The following SLC35F2 variants were observed in gnomAD, a reference collection of about 807,000 sequenced individuals.
SLC35F2 encodes the protein queuine/queuosine transporter SLC35F2.
A neutral mutation model predicts 38.1 loss-of-function variants in SLC35F2; 25 were observed. The observed-to-expected ratio is 0.66, with a 90% CI of 0.48 to 0.92. The LOEUF (loss-of-function observed/expected upper bound fraction) is 0.92. Among genes scored for constraint, SLC35F2 ranks in the 40% least tolerant of loss-of-function variants. The pLI, the probability that SLC35F2 is intolerant of heterozygous loss-of-function variation, is 0.00. For synonymous variants in SLC35F2, 173 were observed against 181.7 expected, an observed-to-expected ratio of 0.95 and a Z score of 0.38; for missense variants, 409 against 452.9, an observed-to-expected ratio of 0.90 and a Z score of 0.88.
chr11:107,847,097 C>A (rs1177958373), intron 1 of SLC35F2, among the ~76,000 whole-genome samples: 2 of 152,152 alleles, frequency 1.3e-5, no homozygotes, highest in Admixed American at 1.3e-4. Flanking sequence ...GTCGCCCAGG[C>A]TAGAGTGCAG....
chr11:107,833,882 A>T (rs575321937), intron 1 of SLC35F2, among the ~76,000 whole-genome samples: 1 of 152,226 alleles, frequency 6.6e-6, no homozygotes, highest in Non-Finnish European at 1.5e-5. Context: ...AGAATCAAAG[A>T]AACAAATGGT....
At chr11:107,834,507 G>A (rs534821670) in intron 1 of SLC35F2, among the ~76,000 whole-genome samples, 7 of 152,148 alleles carry the variant, frequency 4.6e-5, no homozygotes, top group East Asian at 1.9e-4. Flanking sequence ...AAAATTAGCC[G>A]GGTGTGGTGG....
chr11:107,833,538 G>GGA (rs1448677517), intron 1 of SLC35F2, among the ~76,000 whole-genome samples: 1 of 122,760 alleles, frequency 8.1e-6, no homozygotes, highest in Non-Finnish European at 1.7e-5. Context: ...AAAAAAAAAA[G>GGA]GAGAGAGGTG....
At chr11:107,815,396 A>T (rs1332186495) in intron 2 of SLC35F2, among the ~76,000 whole-genome samples, 2 of 150,794 alleles carry the variant, frequency 1.3e-5, no homozygotes, top group Admixed American at 6.6e-5. Flanking sequence ...AAATAAAAAA[A>T]AAAAAAAAAA....
At chr11:107,843,865 AAAAATATATATATATATATATATATAT>A (rs1447256746) in intron 1 of SLC35F2, among the ~76,000 whole-genome samples, 2 of 35,354 alleles carry the variant, frequency 5.7e-5, no homozygotes, top group African/African-American at 2.4e-4. Flanking sequence ...AAAAAAAAAA[AAAAATATATATATATATATATATATAT>A]ATATATATAT....
At chr11:107,858,598 C>A in intron 1 of SLC35F2, 60 bp downstream of exon 1, 2 of 1,234,976 alleles carry the variant, frequency 1.6e-6, no homozygotes, top group Non-Finnish European at 2.1e-6. Context: ...TCCACGTGCG[C>A]GCAGGGCCCG....
chr11:107,798,953 G>C (rs948388633), intron 7 of SLC35F2, among the ~76,000 whole-genome samples: 1 of 152,142 alleles, frequency 6.6e-6, no homozygotes, highest in African/African-American at 2.4e-5. Context: ...GCAGGTGCCT[G>C]TAATCCCAGC....
At chr11:107,799,590 C>CT (rs11421354) in intron 7 of SLC35F2, among the ~76,000 whole-genome samples, 22,730 of 151,874 alleles carry the variant, frequency 0.15, 2,740 homozygotes, top group East Asian at 0.42. Context: ...ATTTATTTTA[C>CT]TTTTTTTGTT....
chr11:107,792,809 G>A lies in SLC35F2; in HGVS notation c.940-9C>T. On this transcript the variant is annotated splice_polypyrimidine_tract_variant and intron_variant, in intron 7 of 7. Coordinates refer to ENST00000525815, the MANE Select transcript of SLC35F2 (RefSeq NM_017515.5). ...ATGTAGAGTCCTGAAAACTAGAAGG[G>A]AAGAACAGGCAGTGAATTGTGCCCC... 6.4e-7 allele frequency: 1 copy of A among 1,551,442 alleles called. No homozygotes were observed. The highest frequency in any genetic ancestry group is 8.7e-7 in the Non-Finnish European group (1 of 1,145,086).
At chr11:107,849,805 G>A (rs558335190) in intron 1 of SLC35F2, among the ~76,000 whole-genome samples, 42 of 152,248 alleles carry the variant, frequency 2.8e-4, no homozygotes, top group African/African-American at 7.2e-4. Flanking sequence ...GTCTAGAACT[G>A]GTCTAGGGGA....
intron 1 of SLC35F2, among the ~76,000 whole-genome samples, chr11:107,828,218 C>T (rs1250788724): frequency 6.6e-6 from 1 of 152,010 alleles, no homozygotes; most frequent in Admixed American, 6.6e-5. Flanking sequence ...AGGTGGATCA[C>T]GAGGTCAGAA....
chr11:107,793,556 GC>G (rs1859167318), intron 7 of SLC35F2, among the ~76,000 whole-genome samples: 1 of 152,062 alleles, frequency 6.6e-6, no homozygotes, highest in African/African-American at 2.4e-5. Flanking sequence ...CTGCTCAACA[GC>G]CTCTCAATGT....
At chr11:107,835,104 CA>C (rs1198113229) in intron 1 of SLC35F2, among the ~76,000 whole-genome samples, 37 of 152,312 alleles carry the variant, frequency 2.4e-4, no homozygotes, top group Middle Eastern at 3.4e-3. Context: ...GGCCAACAAT[CA>C]ATGCCTTAAA....
At position 107,825,620 on chromosome 11, in the gene SLC35F2, C is replaced by T. The variant is rs1225555975; in HGVS notation, c.111-9655G>A. On this transcript the variant is annotated intron_variant, in intron 1 of 7. Transcript: ENST00000525815. ...TCCTGACCTCGTGATCCGCCCACCTCGGCCCCCCAAAGTTGTTGGGATTAC... is the reference window on the plus strand; with the variant it reads ...TCCTGACCTCGTGATCCGCCCACCTTGGCCCCCCAAAGTTGTTGGGATTAC... 2.6e-5 allele frequency among the ~76,000 whole-genome samples: 4 copies of T among 152,136 alleles called. No homozygotes were observed. In the East Asian group the frequency reaches 5.8e-4, roughly 22 times the overall value.
At chr11:107,794,498 C>A (rs1027758928) in intron 7 of SLC35F2, among the ~76,000 whole-genome samples, 2 of 152,118 alleles carry the variant, frequency 1.3e-5, no homozygotes, top group African/African-American at 4.8e-5. Flanking sequence ...TAATCAAATA[C>A]CCAGGGCCTT....
At chr11:107,812,777 CG>C (rs1221106227) in intron 2 of SLC35F2, among the ~76,000 whole-genome samples, 2 of 151,990 alleles carry the variant, frequency 1.3e-5, no homozygotes, top group East Asian at 3.9e-4. Flanking sequence ...TGACAAGCCA[CG>C]GACTATCCTA....
chr11:107,792,621 G>C lies in SLC35F2; in HGVS notation c.1119C>G (p.Val373=). 2 of 1,609,454 alleles carry C rather than the reference G, an allele frequency of 1.2e-6. No individual in the cohort carries two copies. The highest frequency in any genetic ancestry group is 1.7e-6 in the Non-Finnish European group (2 of 1,178,290). ...GGTGCGCCATCTTCTCCAGCTACAA[G>C]ACAGCAGAGTGGGTCTCCTGGAGGT... ...EENLQETHSA[V]L is the part of the protein sequence containing the mutation. Residue 373 remains valine (V), a synonymous_variant, in exon 8 of 8, where the codon GTC becomes GTG. Transcript: ENST00000525815.
chr11:107,808,593 A>T (rs565400453), intron 3 of SLC35F2, among the ~76,000 whole-genome samples: 6 of 152,230 alleles, frequency 3.9e-5, no homozygotes, highest in African/African-American at 1.4e-4. Flanking sequence ...CAGGCCCCTA[A>T]ATCTCCAACA....
chr11:107,856,957 G>A (rs1442669424), intron 1 of SLC35F2, among the ~76,000 whole-genome samples: 1 of 139,800 alleles, frequency 7.2e-6, no homozygotes, highest in Non-Finnish European at 1.5e-5. Flanking sequence ...GCACAGAGAA[G>A]TTAAGTGACT....
Sources: allele counts gnomAD v4.1 joint callset (sites outside exome capture counted in the v4.1 genomes callset), GRCh38; gene constraint gnomAD v4.1.1; transcripts MANE v1.5; gene names NCBI Gene and HGNC (gene_info 2026-07-23, HGNC 2026-07-21).